Variants in PLXDC1 observed in about 807,000 individuals in gnomAD.
The protein encoded by PLXDC1 is plexin domain containing 1.
In PLXDC1, 39 loss-of-function variants were observed where a neutral mutation model predicts 61.3. The ratio of observed to expected loss-of-function variants is 0.64; its 90% CI spans 0.49 to 0.83. The LOEUF is 0.83. Among genes scored for constraint, PLXDC1 ranks in the 40% least tolerant of loss-of-function variants. The probability of loss-of-function intolerance (pLI) is 0.00; values close to 1 mark genes in which losing one functional copy is unlikely to be tolerated. For missense variants in PLXDC1, 596 were observed against 666.5 expected (o/e 0.89, Z 1.17); for synonymous variants, 212 against 254.5 (o/e 0.83, Z 1.59).
intron 9 of PLXDC1, among the ~76,000 whole-genome samples, chr17:39,083,206 C>A (rs952389920): frequency 6.6e-6 from 1 of 152,232 alleles, no homozygotes; most frequent in African/African-American, 2.4e-5. Flanking sequence ...AGCTGTGGAA[C>A]ACTCCGAGAA....
At chr17:39,100,574 G>A (rs1206904206) in intron 7 of PLXDC1, among the ~76,000 whole-genome samples, 1 of 152,210 alleles carries the variant, frequency 6.6e-6, no homozygotes, top group African/African-American at 2.4e-5. Context: ...CACTTCAGTC[G>A]CAGCCTGTGA....
At chr17:39,139,626 TC>T in intron 2 of PLXDC1, 27 bp downstream of exon 2, 1 of 1,365,434 alleles carries the variant, frequency 7.3e-7, no homozygotes, top group Non-Finnish European at 1.0e-6. Flanking sequence ...CCCACTTCGC[TC>T]CCCCTCCATG....
intron 7 of PLXDC1, among the ~76,000 whole-genome samples, chr17:39,093,829 G>A (rs1485403062): frequency 2.6e-5 from 4 of 152,088 alleles, no homozygotes; most frequent in Non-Finnish European, 5.9e-5. Flanking sequence ...GGCAAGCCTC[G>A]TAAATATCAG....
At position 39,109,233 on chromosome 17, in the gene PLXDC1, G is replaced by A. The variant is rs767946069; in HGVS notation, c.399+15C>T. ...CCCAGCACAGGGAAGCATGGCTGGC[G>A]ACTGGGGCACTCACCGAAGCCTGCC... On this transcript the variant is annotated intron_variant, in intron 3 of 13. Transcript: ENST00000315392. 21 of 1,598,802 alleles carry A rather than the reference G, an allele frequency of 1.3e-5. No individual in the cohort carries two copies. Among genetic ancestry groups the A allele is most frequent in the South Asian group, 2.2e-5 (2 of 89,634 alleles).
At chr17:39,134,346 C>A (rs558590912) in intron 2 of PLXDC1, among the ~76,000 whole-genome samples, 1 of 151,870 alleles carries the variant, frequency 6.6e-6, no homozygotes, top group South Asian at 2.1e-4. Flanking sequence ...ACCACATTGG[C>A]GGGGTGTGGT....
chr17:39,117,027 G>A (rs1487213439), intron 2 of PLXDC1, among the ~76,000 whole-genome samples: 1 of 152,210 alleles, frequency 6.6e-6, no homozygotes, highest in Non-Finnish European at 1.5e-5. Context: ...ATGGAAGCTG[G>A]GTGAGCAAAG....
intron 2 of PLXDC1, among the ~76,000 whole-genome samples, chr17:39,129,756 A>AAAGGAAAGAAAAGC (rs1222654638): frequency 3.6e-3 from 536 of 150,664 alleles, no homozygotes; most frequent in African/African-American, 7.2e-3. Flanking sequence ...GAAAAGCAAG[A>AAAGGAAAGAAAAGC]AAGAAAGAAA....
At chr17:39,138,625 C>T (rs954764623) in intron 2 of PLXDC1, among the ~76,000 whole-genome samples, 7 of 151,920 alleles carry the variant, frequency 4.6e-5, no homozygotes, top group Non-Finnish European at 1.0e-4. Flanking sequence ...GAGGAAACAG[C>T]CCAGACAGAG....
chr17:39,108,844 G>T, intron 4 of PLXDC1, 60 bp downstream of exon 4: 2 of 1,134,292 alleles, frequency 1.8e-6, no homozygotes. Context: ...CCCTGGGAGG[G>T]CCCCTGAGTT....
At chr17:39,079,428 G>T in intron 9 of PLXDC1, 1 of 545,210 alleles carries the variant, frequency 1.8e-6, no homozygotes, top group South Asian at 1.5e-5. Context: ...GACTGCATGA[G>T]CTCCAGTGAT....
chr17:39,063,715 A>G lies in PLXDC1; in HGVS notation c.*4125T>C, dbSNP rs572238728. 3.8e-6 allele frequency: 2 copies of G among 523,764 alleles called. No individual in the cohort carries two copies. Among genetic ancestry groups the G allele is most frequent in the African/African-American group, 3.8e-5 (2 of 52,002 alleles). 32.4% of individuals were successfully genotyped at this position (523,764 alleles called of 1,614,324 possible). On this transcript the variant is annotated 3_prime_UTR_variant, in exon 14 of 14. Coordinates refer to ENST00000315392, the MANE Select transcript of PLXDC1 (RefSeq NM_020405.5). The stretch of plus-strand genomic sequence containing the variant: ...GTGTTTTAGAAGGCTGGGTGCCCTC[A>G]GTCCCCAGATCTTTGAATTCTACCA...
Position 39,065,344 on chromosome 17 carries a change from T to G in PLXDC1, c.*2496A>C, listed in dbSNP as rs1156326226. On this transcript the variant is annotated 3_prime_UTR_variant, in exon 14 of 14. Transcript: ENST00000315392. ...AAATAGAACCAAGCATCTCATAGAG[T>G]TAATGATTGTCTACAGGATCCCTGA... is the stretch of plus-strand genomic sequence containing the variant. 6.6e-6 allele frequency: 1 copy of G among 151,514 alleles called. No homozygotes were observed. Among genetic ancestry groups the G allele is most frequent in the South Asian group, 2.1e-4 (1 of 4,786 alleles). The allele number at this position is 151,514 out of a possible 1,614,324, so 9.4% of individuals were successfully genotyped here.
intron 7 of PLXDC1, among the ~76,000 whole-genome samples, chr17:39,104,099 C>T (rs1420831653): frequency 6.6e-6 from 1 of 152,182 alleles, no homozygotes; most frequent in Non-Finnish European, 1.5e-5. Flanking sequence ...TTATAAAATG[C>T]TGAGTTTTAA....
At position 39,063,370 on chromosome 17, in the gene PLXDC1, C is replaced by T; in HGVS notation, c.*4470G>A. ...AGTAGATAAAAATGCATGGGGTTTA[C>T]TTCCAGGGATTTACAGACCAATATA... On this transcript the variant is annotated 3_prime_UTR_variant, in exon 14 of 14. Transcript: ENST00000315392. 1.5e-6 allele frequency: 1 copy of T among 670,808 alleles called. No homozygotes were observed. Among genetic ancestry groups the T allele is most frequent in the Non-Finnish European group, 2.7e-6 (1 of 371,426 alleles). The allele number at this position is 670,808 out of a possible 1,614,324, so 41.6% of individuals were successfully genotyped here.
At chr17:39,127,003 AC>A in intron 2 of PLXDC1, 1 of 152,208 alleles carries the variant, frequency 6.6e-6, no homozygotes, top group East Asian at 1.9e-4. Context: ...CCCTTCCCAC[AC>A]CTTGAAGAGT....
At chr17:39,101,261 G>A (rs1042438221) in intron 7 of PLXDC1, among the ~76,000 whole-genome samples, 4 of 152,212 alleles carry the variant, frequency 2.6e-5, no homozygotes, top group Non-Finnish European at 5.9e-5. Context: ...GTTCAAGGCC[G>A]TGTTTGAGAA....
At chr17:39,076,225 T>TG (rs549138565) in intron 11 of PLXDC1, among the ~76,000 whole-genome samples, 4 of 152,078 alleles carry the variant, frequency 2.6e-5, no homozygotes, top group African/African-American at 4.8e-5. Flanking sequence ...GAAAGGACTA[T>TG]GGGCCAGGCA....
intron 2 of PLXDC1, among the ~76,000 whole-genome samples, chr17:39,125,198 A>G (rs1019713888): frequency 6.6e-6 from 1 of 152,204 alleles, no homozygotes; most frequent in African/African-American, 2.4e-5. Flanking sequence ...GCCAAACCTC[A>G]GGTTGAAATA....
chr17:39,088,670 G>A (rs1412500514), intron 7 of PLXDC1, among the ~76,000 whole-genome samples: 1 of 152,184 alleles, frequency 6.6e-6, no homozygotes, highest in African/African-American at 2.4e-5. Flanking sequence ...GCCAGGCATG[G>A]TGGCTCATGC....
Sources: allele counts gnomAD v4.1 joint callset (sites outside exome capture counted in the v4.1 genomes callset), GRCh38; gene constraint gnomAD v4.1.1; transcripts MANE v1.5; gene names NCBI Gene and HGNC (gene_info 2026-07-23, HGNC 2026-07-21).